The following LPAR3 variants were observed in gnomAD, a reference collection of about 807,000 sequenced individuals.
LPAR3 encodes the protein lysophosphatidic acid receptor 3.
LPAR3 carries 7 observed loss-of-function variants against 17.8 expected under a neutral mutation model. That is an observed-to-expected ratio of 0.39 (90% CI 0.22 to 0.74). The LOEUF is 0.74. Among genes scored for constraint, LPAR3 ranks in the 30% least tolerant of loss-of-function variants. The probability of loss-of-function intolerance (pLI) is 0.40; values close to 1 mark genes in which losing one functional copy is unlikely to be tolerated. For missense variants in LPAR3, 391 were observed against 453.4 expected, an observed-to-expected ratio of 0.86 and a Z score of 1.25; for synonymous variants, 179 against 179.9, an observed-to-expected ratio of 0.99 and a Z score of 0.04.
At chr1:84,880,956 T>A (rs1382208629) in intron 1 of LPAR3, among the ~76,000 whole-genome samples, 2 of 152,236 alleles carry the variant, frequency 1.3e-5, no homozygotes, top group Non-Finnish European at 2.9e-5. Flanking sequence ...GAGGTCTTAA[T>A]AATTCCTGCC....
chr1:84,823,045 G>T (rs575680751), intron 2 of LPAR3, among the ~76,000 whole-genome samples: 1 of 152,134 alleles, frequency 6.6e-6, no homozygotes, highest in Non-Finnish European at 1.5e-5. Context: ...CTAGTAAGCC[G>T]CAGGGCCATC....
intron 2 of LPAR3, among the ~76,000 whole-genome samples, chr1:84,858,019 T>G (rs1044135916): frequency 1.3e-4 from 20 of 152,138 alleles, no homozygotes; most frequent in African/African-American, 4.3e-4. Flanking sequence ...TAAAAACAGA[T>G]CTGCATAGAG....
intron 2 of LPAR3, among the ~76,000 whole-genome samples, chr1:84,819,689 A>G (rs1285963676): frequency 6.6e-6 from 1 of 152,226 alleles, no homozygotes; most frequent in Non-Finnish European, 1.5e-5. Context: ...TTGAGCACAT[A>G]CGCAAAAATA....
At chr1:84,850,393 C>CAAAAAAAAAAAAAAAA (rs561506398) in intron 2 of LPAR3, among the ~76,000 whole-genome samples, 1 of 38,740 alleles carries the variant, frequency 2.6e-5, no homozygotes, top group Non-Finnish European at 4.8e-5. Flanking sequence ...TCTGTCTCTA[C>CAAAAAAAAAAAAAAAA]AAAAAAAAAA....
intron 2 of LPAR3, among the ~76,000 whole-genome samples, chr1:84,846,829 T>C (rs1292054285): frequency 1.3e-5 from 2 of 152,086 alleles, no homozygotes; most frequent in Non-Finnish European, 2.9e-5. Flanking sequence ...TGACAAAAAA[T>C]TGTAAAGTCT....
intron 2 of LPAR3, among the ~76,000 whole-genome samples, chr1:84,846,027 G>C (rs532309453): frequency 6.6e-6 from 1 of 152,142 alleles, no homozygotes; most frequent in African/African-American, 2.4e-5. Context: ...AAATAAGGTG[G>C]GTAGGCTCCA....
At chr1:84,817,724 A>G (rs1422358320) in intron 2 of LPAR3, among the ~76,000 whole-genome samples, 1 of 151,620 alleles carries the variant, frequency 6.6e-6, no homozygotes, top group Non-Finnish European at 1.5e-5. Flanking sequence ...CGGCCAGCCA[A>G]TCAGCCAATA....
chr1:84,852,830 G>C (rs990404594), intron 2 of LPAR3, among the ~76,000 whole-genome samples: 1 of 152,136 alleles, frequency 6.6e-6, no homozygotes, highest in Non-Finnish European at 1.5e-5. Context: ...ATAACAGGAA[G>C]GTCAAGGTAG....
At chr1:84,886,127 C>T (rs1409905290) in intron 1 of LPAR3, among the ~76,000 whole-genome samples, 3 of 152,142 alleles carry the variant, frequency 2.0e-5, no homozygotes, top group African/African-American at 4.8e-5. Flanking sequence ...CATATTAGAT[C>T]TCAAGACTTA....
chr1:84,863,309 T>C (rs1489305936), intron 2 of LPAR3, among the ~76,000 whole-genome samples: 1 of 152,078 alleles, frequency 6.6e-6, no homozygotes, highest in Non-Finnish European at 1.5e-5. Flanking sequence ...TTCTCAATTT[T>C]ACTCCAATCA....
intron 1 of LPAR3, among the ~76,000 whole-genome samples, chr1:84,879,513 G>A (rs1660324268): frequency 6.6e-6 from 1 of 151,892 alleles, no homozygotes; most frequent in Non-Finnish European, 1.5e-5. Flanking sequence ...GGGTTTCACC[G>A]TGTTAGCCAG....
chr1:84,882,531 C>T (rs1403262473), intron 1 of LPAR3, among the ~76,000 whole-genome samples: 2 of 152,108 alleles, frequency 1.3e-5, no homozygotes, highest in Admixed American at 1.3e-4. Context: ...ATAGCTAAAA[C>T]AATCATAAGA....
chr1:84,867,188 G>A lies in LPAR3; in HGVS notation c.-18-1050C>T, dbSNP rs147558313. Among the ~76,000 whole-genome samples, 396 of 152,318 alleles carry A rather than the reference G, an allele frequency of 2.6e-3. 2 individuals carry two copies. Among genetic ancestry groups the A allele is most frequent in the South Asian group, 0.014 (66 of 4,812 alleles). On this transcript the variant is annotated intron_variant, in intron 1 of 2. Coordinates refer to ENST00000370611, the MANE Select transcript of LPAR3 (RefSeq NM_012152.3). The stretch of plus-strand genomic sequence containing the variant: ...AGGAAGGGCTGGGCAGAAGCCCCAC[G>A]GATGCCCATCTGTCTACACGTGGTG...
intron 2 of LPAR3, among the ~76,000 whole-genome samples, chr1:84,848,337 T>G (rs1659631930): frequency 6.6e-6 from 1 of 152,206 alleles, no homozygotes; most frequent in South Asian, 2.1e-4. Flanking sequence ...CTGGCCACTT[T>G]CCCTCCCAAA....
intron 2 of LPAR3, among the ~76,000 whole-genome samples, 154 bp downstream of exon 2, chr1:84,865,231 T>C (rs1320984290): frequency 2.0e-5 from 3 of 152,216 alleles, no homozygotes; most frequent in Non-Finnish European, 4.4e-5. Context: ...TCTTTCCTTA[T>C]TAGAGTGTAA....
chr1:84,841,577 G>GA lies in LPAR3; in HGVS notation c.736+23807dup, dbSNP rs1269094613. 4.6e-5 allele frequency among the ~76,000 whole-genome samples: 7 copies of GA among 152,168 alleles called. No individual in the cohort carries two copies. The East Asian group carries it at 1.2e-3, about 25-fold the overall frequency. ...ACACCTTCTATTCAATGTTATACCA[G>GA]AAAAACTAAAATAAATAAATAAACA... On this transcript the variant is annotated intron_variant, in intron 2 of 2. Transcript: ENST00000370611.
chr1:84,879,719 T>A (rs1570905521), intron 1 of LPAR3, among the ~76,000 whole-genome samples: 1 of 152,162 alleles, frequency 6.6e-6, no homozygotes, highest in South Asian at 2.1e-4. Flanking sequence ...CTAGGGTGGC[T>A]GCGTGACTAA....
At chr1:84,830,272 C>T (rs547177441) in intron 2 of LPAR3, among the ~76,000 whole-genome samples, 1 of 152,212 alleles carries the variant, frequency 6.6e-6, no homozygotes, top group Admixed American at 6.5e-5. Flanking sequence ...CTTCCTCTGT[C>T]CAAATAAACA....
chr1:84,868,939 T>C (rs1169275817), intron 1 of LPAR3, among the ~76,000 whole-genome samples: 1 of 152,196 alleles, frequency 6.6e-6, no homozygotes, highest in African/African-American at 2.4e-5. Flanking sequence ...TTATTATGTG[T>C]CTTTTCTAAT....
Sources: gnomAD v4.1 joint callset for allele counts (sites outside exome capture counted in the v4.1 genomes callset) on GRCh38, gnomAD v4.1.1 for gene constraint, MANE v1.5 for transcripts, NCBI Gene and HGNC (gene_info 2026-07-23, HGNC 2026-07-21) for gene names.